The following RSPO3 variants were observed in gnomAD, a reference collection of about 807,000 sequenced individuals.
The protein encoded by RSPO3 is R-spondin-3.
A neutral mutation model predicts 36.5 loss-of-function variants in RSPO3; 17 were observed. The ratio of observed to expected loss-of-function variants is 0.47; its 90% CI spans 0.32 to 0.70. RSPO3 has a LOEUF of 0.70. Ranked by LOEUF, RSPO3 falls within the 30% of genes least tolerant of loss-of-function variation. The pLI is 0.04. For synonymous variants in RSPO3, 108 were observed against 107.0 expected (o/e 1.01, Z -0.06); for missense variants, 294 against 322.5 (o/e 0.91, Z 0.68).
At chr6:127,121,738 T>G (rs982188228) in intron 1 of RSPO3, among the ~76,000 whole-genome samples, 4 of 152,124 alleles carry the variant, frequency 2.6e-5, no homozygotes, top group African/African-American at 9.7e-5. Context: ...TTGAAATCTC[T>G]GGGGGAAAAA....
chr6:127,158,323 TAAG>T (rs1298039005), intron 4 of RSPO3, among the ~76,000 whole-genome samples: 2 of 152,062 alleles, frequency 1.3e-5, no homozygotes, highest in African/African-American at 2.4e-5. Context: ...ATTAATAAAA[TAAG>T]AAGATTCCTT....
At chr6:127,119,515 C>T (rs1414651864) in intron 1 of RSPO3, among the ~76,000 whole-genome samples, 2 of 152,188 alleles carry the variant, frequency 1.3e-5, no homozygotes, top group Non-Finnish European at 2.9e-5. Context: ...CGGGCGGACG[C>T]GGCGCTAAGG....
intron 4 of RSPO3, among the ~76,000 whole-genome samples, chr6:127,156,633 G>A (rs977914996): frequency 6.6e-6 from 1 of 152,044 alleles, no homozygotes; most frequent in African/African-American, 2.4e-5. Flanking sequence ...ATTCAACATA[G>A]TTTTATTATA....
intron 1 of RSPO3, among the ~76,000 whole-genome samples, chr6:127,137,764 T>C (rs1774190023): frequency 6.6e-6 from 1 of 152,220 alleles, no homozygotes; most frequent in Admixed American, 6.5e-5. Flanking sequence ...TAATCATTCC[T>C]ATCTGTTCTC....
In RSPO3 at chr6:127,199,432, G is replaced by A. The variant is rs1775578348; in HGVS notation, c.*3425G>A. 6.6e-6 allele frequency among the ~76,000 whole-genome samples: 1 copy of A among 151,940 alleles called. No homozygotes were observed. Among genetic ancestry groups the A allele is most frequent in the African/African-American group, 2.4e-5 (1 of 41,334 alleles). On this transcript the variant is annotated 3_prime_UTR_variant, in exon 5 of 5. Transcript: ENST00000356698. Reference sequence around the variant, plus strand: ...AATTTCAAGGAATAAGTATATATGTGAGAATCATGGAAATGAAATTAATAA... The same window carrying A: ...AATTTCAAGGAATAAGTATATATGTAAGAATCATGGAAATGAAATTAATAA...
intron 1 of RSPO3, among the ~76,000 whole-genome samples, chr6:127,125,205 T>C (rs1773916274): frequency 1.3e-5 from 2 of 152,150 alleles, no homozygotes; most frequent in South Asian, 4.1e-4. Flanking sequence ...ATTTAATGGC[T>C]TTTAACTGTC....
intron 4 of RSPO3, among the ~76,000 whole-genome samples, chr6:127,188,095 A>G (rs930472644): frequency 1.1e-4 from 17 of 152,142 alleles, no homozygotes; most frequent in African/African-American, 4.1e-4. Flanking sequence ...TCCAGGCAGC[A>G]GAAGCAATGA....
intron 1 of RSPO3, among the ~76,000 whole-genome samples, chr6:127,148,403 C>T (rs1054601274): frequency 3.3e-5 from 5 of 151,144 alleles, no homozygotes; most frequent in African/African-American, 1.2e-4. Flanking sequence ...TATATAAGTC[C>T]TTTGAGGCAG....
chr6:127,180,534 A>C (rs1775163823), intron 4 of RSPO3, among the ~76,000 whole-genome samples: 2 of 150,458 alleles, frequency 1.3e-5, no homozygotes, highest in Non-Finnish European at 3.0e-5. Context: ...TCTTTGCAAA[A>C]ATCATTCTAG....
chr6:127,127,606 G>GT (rs1270069887), intron 1 of RSPO3, among the ~76,000 whole-genome samples: 2 of 152,044 alleles, frequency 1.3e-5, no homozygotes, highest in African/African-American at 4.8e-5. Flanking sequence ...ATACCCACCT[G>GT]TAAGGAATGT....
chr6:127,186,917 T>G (rs1775306102), intron 4 of RSPO3, among the ~76,000 whole-genome samples: 2 of 152,176 alleles, frequency 1.3e-5, no homozygotes, highest in Admixed American at 6.6e-5. Flanking sequence ...ATTTATGTAC[T>G]TTCAGTCTGG....
At chr6:127,179,538 G>A (rs1373798010) in intron 4 of RSPO3, among the ~76,000 whole-genome samples, 2 of 151,878 alleles carry the variant, frequency 1.3e-5, no homozygotes, top group Non-Finnish European at 1.5e-5. Flanking sequence ...CTTTAAAACT[G>A]TTTTGGACAT....
At chr6:127,122,904 T>C (rs1438001008) in intron 1 of RSPO3, among the ~76,000 whole-genome samples, 1 of 152,138 alleles carries the variant, frequency 6.6e-6, no homozygotes, top group Non-Finnish European at 1.5e-5. Flanking sequence ...GCATTTAGCA[T>C]CCTTTTTATT....
intron 1 of RSPO3, among the ~76,000 whole-genome samples, chr6:127,125,403 A>G: frequency 6.6e-6 from 1 of 152,196 alleles, no homozygotes; most frequent in Non-Finnish European, 1.5e-5. Context: ...TGGGTTCCAG[A>G]TCCAGCATTG....
chr6:127,149,768 T>A (rs1292279165), intron 2 of RSPO3, among the ~76,000 whole-genome samples: 1 of 152,100 alleles, frequency 6.6e-6, no homozygotes, highest in African/African-American at 2.4e-5. Flanking sequence ...TTTGTGAGCC[T>A]CAGTTTCCTT....
intron 1 of RSPO3, among the ~76,000 whole-genome samples, chr6:127,127,319 A>G (rs910193565): frequency 1.3e-5 from 2 of 152,116 alleles, no homozygotes; most frequent in Admixed American, 1.3e-4. Flanking sequence ...TGTCATCTCA[A>G]CAAAGGCTGT....
rs571573224 is a variant in RSPO3, at chr6:127,196,309, A to T, written c.*302A>T. 6.1e-5 allele frequency: 12 copies of T among 197,314 alleles called. No individual in the cohort carries two copies. Among genetic ancestry groups the T allele is most frequent in the Middle Eastern group, 3.8e-3 (2 of 528 alleles). 12.2% of individuals were successfully genotyped at this position (197,314 alleles called of 1,614,324 possible). A position where few individuals can be genotyped will look rare whatever the true frequency, so the allele number is the denominator to read the frequency against. ...GTAACAACGAAATGATGACATCTGG[A>T]GAAGAAACATCTTTTCCTTATAAAA... On this transcript the variant is annotated 3_prime_UTR_variant, in exon 5 of 5. Transcript: ENST00000356698.
At chr6:127,145,653 C>T (rs1272487598) in intron 1 of RSPO3, among the ~76,000 whole-genome samples, 1 of 152,132 alleles carries the variant, frequency 6.6e-6, no homozygotes, top group Non-Finnish European at 1.5e-5. Flanking sequence ...CTTACATACT[C>T]ATAAACTCCA....
At chr6:127,124,651 A>G (rs1773906609) in intron 1 of RSPO3, among the ~76,000 whole-genome samples, 1 of 152,018 alleles carries the variant, frequency 6.6e-6, no homozygotes, top group Non-Finnish European at 1.5e-5. Context: ...ACATGATTGA[A>G]TATCTTAAAA....
Sources: gnomAD v4.1 joint callset for allele counts (sites outside exome capture counted in the v4.1 genomes callset) on GRCh38, gnomAD v4.1.1 for gene constraint, MANE v1.5 for transcripts, NCBI Gene and HGNC (gene_info 2026-07-23, HGNC 2026-07-21) for gene names.